The following EPHA6 variants were observed in gnomAD, a reference collection of about 807,000 sequenced individuals.
The protein encoded by EPHA6 is ephrin type-A receptor 6.
In EPHA6, 50 loss-of-function variants were observed where a neutral mutation model predicts 112.0. The ratio of observed to expected loss-of-function variants is 0.45; its 90% CI spans 0.36 to 0.56. The LOEUF (loss-of-function observed/expected upper bound fraction) is 0.56. Ranked by LOEUF, EPHA6 falls within the 20% of genes least tolerant of loss-of-function variation. The probability of loss-of-function intolerance (pLI) is 0.00; values close to 1 mark genes in which losing one functional copy is unlikely to be tolerated. For missense variants in EPHA6, 1,280 were observed against 1,417.4 expected, an observed-to-expected ratio of 0.90 and a Z score of 1.56; for synonymous variants, 529 against 490.7, an observed-to-expected ratio of 1.08 and a Z score of -1.03.
chr3:96,853,547 G>GT (rs923152812), intron 1 of EPHA6, among the ~76,000 whole-genome samples: 4 of 151,618 alleles, frequency 2.6e-5, no homozygotes, highest in African/African-American at 9.7e-5. Context: ...TTTTTCATAG[G>GT]TTTTTAAAAA....
intron 14 of EPHA6, among the ~76,000 whole-genome samples, chr3:97,666,878 T>A (rs1175346619): frequency 6.6e-6 from 1 of 152,206 alleles, no homozygotes; most frequent in Non-Finnish European, 1.5e-5. Flanking sequence ...TTTAATTCAA[T>A]AAATATTTCT....
chr3:96,895,011 A>G (rs922201741), intron 2 of EPHA6, among the ~76,000 whole-genome samples: 1 of 152,222 alleles, frequency 6.6e-6, no homozygotes, highest in Non-Finnish European at 1.5e-5. Context: ...TCTGTGATGA[A>G]TAGAAGAAAC....
chr3:96,841,062 G>A (rs1205190472), intron 1 of EPHA6, among the ~76,000 whole-genome samples: 6 of 151,994 alleles, frequency 3.9e-5, no homozygotes, highest in Non-Finnish European at 5.9e-5. Flanking sequence ...GGTGGTAGGC[G>A]AACGTTTGGT....
At chr3:96,895,420 T>G (rs545653972) in intron 2 of EPHA6, among the ~76,000 whole-genome samples, 16 of 152,276 alleles carry the variant, frequency 1.1e-4, no homozygotes, top group East Asian at 1.9e-4. Flanking sequence ...AATCAAAAAA[T>G]GTTACAGTAA....
chr3:97,185,292 G>C (rs2077095804), intron 3 of EPHA6, among the ~76,000 whole-genome samples: 1 of 152,056 alleles, frequency 6.6e-6, no homozygotes, highest in Non-Finnish European at 1.5e-5. Context: ...TACAGAATGG[G>C]AGAAAATTTT....
intron 11 of EPHA6, among the ~76,000 whole-genome samples, chr3:97,555,759 C>T (rs1463808929): frequency 2.6e-5 from 4 of 152,072 alleles, no homozygotes; most frequent in Non-Finnish European, 5.9e-5. Context: ...CCTTCACCCA[C>T]TTTTTGATGG....
intron 5 of EPHA6, among the ~76,000 whole-genome samples, chr3:97,258,626 TA>T (rs1288418841): frequency 1.3e-5 from 2 of 152,152 alleles, no homozygotes; most frequent in African/African-American, 2.4e-5. Context: ...ATAATTACAT[TA>T]TTTTTTTCCT....
rs572734290 is a variant in EPHA6, at chr3:97,192,686, C to G, written c.1115-33578C>G. Among the ~76,000 whole-genome samples, 11 of 152,232 alleles carry G rather than the reference C, an allele frequency of 7.2e-5. No individual in the cohort carries two copies. The East Asian group carries it at 2.1e-3, about 29-fold the overall frequency. On this transcript the variant is annotated intron_variant, in intron 3 of 17. Coordinates refer to ENST00000389672, the MANE Select transcript of EPHA6 (RefSeq NM_001080448.3). ...TTGTCTGTACTTATGGGGTATTACT[C>G]AAGAAATTTTGCCCAGGCCAATGTC...
intron 11 of EPHA6, among the ~76,000 whole-genome samples, chr3:97,558,089 A>G (rs2093138089): frequency 6.6e-6 from 1 of 152,036 alleles, no homozygotes; most frequent in African/African-American, 2.4e-5. Flanking sequence ...AATAAGATTA[A>G]TAAATCTAAC....
At chr3:97,331,504 A>G (rs1322419366) in intron 5 of EPHA6, among the ~76,000 whole-genome samples, 1 of 152,096 alleles carries the variant, frequency 6.6e-6, no homozygotes, top group Non-Finnish European at 1.5e-5. Flanking sequence ...ACCGCTAGCA[A>G]GACTAATAAG....
Position 97,348,943 on chromosome 3 carries a change from G to A in EPHA6, c.1607-56207G>A, listed in dbSNP as rs890080262. Among the ~76,000 whole-genome samples, 8 of 152,090 alleles carry A rather than the reference G, an allele frequency of 5.3e-5. No individual in the cohort carries two copies. The East Asian group carries it at 1.5e-3, about 29-fold the overall frequency. On this transcript the variant is annotated intron_variant, in intron 5 of 17. Coordinates refer to ENST00000389672, the MANE Select transcript of EPHA6 (RefSeq NM_001080448.3). ...AATTTTACCAAATAGACAATTATCA[G>A]AAATAATTAAAATACCTTAACAAAT...
intron 5 of EPHA6, among the ~76,000 whole-genome samples, chr3:97,265,056 G>A (rs1005408010): frequency 1.3e-5 from 2 of 152,140 alleles, no homozygotes; most frequent in Admixed American, 1.3e-4. Context: ...CAGCAGAGAG[G>A]TTAGTTCCTC....
intron 10 of EPHA6, among the ~76,000 whole-genome samples, chr3:97,522,560 T>C (rs1418084545): frequency 6.6e-6 from 1 of 152,168 alleles, no homozygotes; most frequent in East Asian, 1.9e-4. Flanking sequence ...ATGCTGGCCT[T>C]GTAAAATGAG....
intron 2 of EPHA6, among the ~76,000 whole-genome samples, chr3:96,872,306 A>T (rs1348036511): frequency 1.3e-5 from 2 of 151,958 alleles, no homozygotes; most frequent in Non-Finnish European, 2.9e-5. Flanking sequence ...AGGTGAGCTC[A>T]TGATTGCCTG....
chr3:97,263,204 A>G (rs2079557176), intron 5 of EPHA6, among the ~76,000 whole-genome samples: 1 of 152,174 alleles, frequency 6.6e-6, no homozygotes, highest in South Asian at 2.1e-4. Context: ...TCTGGGGAAG[A>G]CAAATTATTT....
intron 10 of EPHA6, among the ~76,000 whole-genome samples, chr3:97,514,926 G>T (rs2092424195): frequency 6.6e-6 from 1 of 152,140 alleles, no homozygotes; most frequent in Admixed American, 6.5e-5. Context: ...ATAAATGTCT[G>T]TTGTTTAAAC....
intron 13 of EPHA6, among the ~76,000 whole-genome samples, chr3:97,636,997 A>G (rs1238274611): frequency 6.6e-6 from 1 of 152,058 alleles, no homozygotes; most frequent in Non-Finnish European, 1.5e-5. Flanking sequence ...TTTTATTTTT[A>G]TTTCCTCTAA....
At chr3:96,939,214 C>T (rs145486125) in intron 2 of EPHA6, among the ~76,000 whole-genome samples, 4,766 of 152,200 alleles carry the variant, frequency 0.031, 105 homozygotes, top group Middle Eastern at 0.065. Context: ...TGGTAGAATT[C>T]GGCTGTGAAT....
At chr3:96,931,606 C>A (rs527903024) in intron 2 of EPHA6, among the ~76,000 whole-genome samples, 8 of 152,342 alleles carry the variant, frequency 5.3e-5, no homozygotes, top group African/African-American at 1.9e-4. Context: ...ACCCTTTCAT[C>A]CAGACTGTTT....
Sources: gnomAD v4.1 joint callset for allele counts (sites outside exome capture counted in the v4.1 genomes callset) on GRCh38, gnomAD v4.1.1 for gene constraint, MANE v1.5 for transcripts, NCBI Gene and HGNC (gene_info 2026-07-23, HGNC 2026-07-21) for gene names.